NRXN1: variants seen among roughly 807,000 people sequenced by gnomAD.
NRXN1 encodes neurexin 1.
A neutral mutation model predicts 150.9 loss-of-function variants in NRXN1; 39 were observed. The ratio of observed to expected loss-of-function variants is 0.26; its 90% CI spans 0.20 to 0.34. NRXN1 has a LOEUF of 0.34. Among genes scored for constraint, NRXN1 ranks in the 10% least tolerant of loss-of-function variants. NRXN1 has a pLI of 1.00. For missense variants in NRXN1, 1,815 were observed against 1,949.9 expected, an observed-to-expected ratio of 0.93 and a Z score of 1.30; for synonymous variants, 924 against 757.0, an observed-to-expected ratio of 1.22 and a Z score of -3.62.
chr2:50,196,381 C>T (rs2061767744), intron 18 of NRXN1, among the ~76,000 whole-genome samples: 1 of 152,072 alleles, frequency 6.6e-6, no homozygotes, highest in Non-Finnish European at 1.5e-5. Flanking sequence ...TAAACACCAT[C>T]AAAAATTGTA....
At chr2:50,587,647 T>C (rs915646155) in intron 8 of NRXN1, among the ~76,000 whole-genome samples, 30 of 152,306 alleles carry the variant, frequency 2.0e-4, no homozygotes, top group African/African-American at 7.2e-4. Context: ...GAAAAAAGTA[T>C]AACTAGCATA....
chr2:49,999,063 T>G (rs1430523691), intron 21 of NRXN1, among the ~76,000 whole-genome samples: 1 of 152,196 alleles, frequency 6.6e-6, no homozygotes, highest in Non-Finnish European at 1.5e-5. Context: ...ATTCAGATTC[T>G]GCTTTGGTAG....
chr2:50,055,087 G>A, intron 19 of NRXN1, 43 bp from the exon 20 acceptor site: 1 of 1,344,882 alleles, frequency 7.4e-7, no homozygotes, highest in East Asian at 2.5e-5. Flanking sequence ...AAATCTGTAA[G>A]GTCAAAGGTT....
intron 2 of NRXN1, among the ~76,000 whole-genome samples, chr2:50,981,317 G>T (rs984326462): frequency 6.6e-6 from 1 of 151,610 alleles, no homozygotes; most frequent in Non-Finnish European, 1.5e-5. Context: ...AATTAGCCAG[G>T]TGTGGTGACA....
chr2:50,083,328 T>C (rs1179292986), intron 19 of NRXN1, among the ~76,000 whole-genome samples: 1 of 152,234 alleles, frequency 6.6e-6, no homozygotes, highest in African/African-American at 2.4e-5. Flanking sequence ...ATTATCTGTT[T>C]GCCAACCTGT....
At chr2:50,131,860 T>G (rs2152748026) in intron 18 of NRXN1, among the ~76,000 whole-genome samples, 1 of 152,192 alleles carries the variant, frequency 6.6e-6, no homozygotes, top group South Asian at 2.1e-4. Flanking sequence ...TATCCTACTG[T>G]CAGGACAAGT....
chr2:50,563,897 C>T (rs1202688672), intron 8 of NRXN1, among the ~76,000 whole-genome samples: 2 of 152,134 alleles, frequency 1.3e-5, no homozygotes, highest in Non-Finnish European at 2.9e-5. Context: ...ACTGCACATC[C>T]ACCTAAGAGC....
At chr2:50,894,746 T>C (rs1681661207) in intron 5 of NRXN1, among the ~76,000 whole-genome samples, 2 of 152,280 alleles carry the variant, frequency 1.3e-5, no homozygotes, top group South Asian at 4.1e-4. Context: ...GTATATGTTA[T>C]ATTACTGAAT....
At chr2:50,341,366 AT>A (rs1451239406) in intron 17 of NRXN1, among the ~76,000 whole-genome samples, 4 of 151,406 alleles carry the variant, frequency 2.6e-5, no homozygotes, top group Non-Finnish European at 4.4e-5. Flanking sequence ...TTTCCCCTAC[AT>A]GTGCTCTAAA....
At chr2:49,960,444 T>A (rs1450586085) in intron 21 of NRXN1, among the ~76,000 whole-genome samples, 1 of 152,162 alleles carries the variant, frequency 6.6e-6, no homozygotes, top group Non-Finnish European at 1.5e-5. Context: ...CACTAATCAT[T>A]TTCACCATTG....
intron 18 of NRXN1, among the ~76,000 whole-genome samples, chr2:50,092,960 C>G (rs1699778397): frequency 6.6e-6 from 1 of 152,048 alleles, no homozygotes; most frequent in African/African-American, 2.4e-5. Context: ...ATAAAGATAA[C>G]TTATTATGTC....
intron 5 of NRXN1, among the ~76,000 whole-genome samples, chr2:50,810,002 G>A (rs1044877937): frequency 6.6e-6 from 1 of 152,050 alleles, no homozygotes; most frequent in East Asian, 1.9e-4. Flanking sequence ...ACTAGTATAC[G>A]CCTCTTCAAT....
chr2:50,169,106 T>C (rs191634603), intron 18 of NRXN1, among the ~76,000 whole-genome samples: 3 of 152,308 alleles, frequency 2.0e-5, no homozygotes, highest in African/African-American at 4.8e-5. Context: ...TAACATACAA[T>C]AGCTCATTTA....
chr2:50,224,534 C>T (rs116159918), intron 18 of NRXN1, among the ~76,000 whole-genome samples: 3,098 of 151,920 alleles, frequency 0.02, 109 homozygotes, highest in African/African-American at 0.07. Flanking sequence ...TTTAACCCTA[C>T]TTCAGATGAT....
At chr2:50,303,911 C>T (rs10167569) in intron 17 of NRXN1, among the ~76,000 whole-genome samples, 7,268 of 133,088 alleles carry the variant, frequency 0.055, 613 homozygotes, top group African/African-American at 0.19. Flanking sequence ...TATACCTTAG[C>T]AGAGTCTTCT....
chr2:50,495,007 G>A (rs2091479769), intron 15 of NRXN1, among the ~76,000 whole-genome samples: 2 of 151,032 alleles, frequency 1.3e-5, no homozygotes, highest in Non-Finnish European at 2.9e-5. Flanking sequence ...CTCCAGCCTG[G>A]GTGACGGAGC....
intron 3 of NRXN1, among the ~76,000 whole-genome samples, chr2:50,925,679 C>G (rs1486956036): frequency 6.6e-6 from 1 of 151,832 alleles, no homozygotes; most frequent in Non-Finnish European, 1.5e-5. Context: ...TCATACAGAA[C>G]ACTGTAATAA....
intron 19 of NRXN1, among the ~76,000 whole-genome samples, chr2:50,068,863 A>G (rs1044252958): frequency 3.3e-5 from 5 of 152,226 alleles, no homozygotes; most frequent in Non-Finnish European, 5.9e-5. Context: ...AGTAATGGCC[A>G]AAGAGTGAGC....
At chr2:49,925,570 C>A (rs1167890692) in intron 22 of NRXN1, among the ~76,000 whole-genome samples, 1 of 151,800 alleles carries the variant, frequency 6.6e-6, no homozygotes, top group Non-Finnish European at 1.5e-5. Context: ...CATCCATTTA[C>A]TAAAATGTGA....
Sources: gnomAD v4.1 joint callset for allele counts (sites outside exome capture counted in the v4.1 genomes callset) on GRCh38, gnomAD v4.1.1 for gene constraint, MANE v1.5 for transcripts, NCBI Gene and HGNC (gene_info 2026-07-23, HGNC 2026-07-21) for gene names.